Variants in VPS9D1 observed in about 807,000 individuals in gnomAD.
VPS9D1 encodes VPS9 domain containing 1, also known as VPS9 domain-containing protein 1.
A neutral mutation model predicts 75.8 loss-of-function variants in VPS9D1; 78 were observed. The observed-to-expected ratio is 1.03, with a 90% confidence interval of 0.86 to 1.24. The LOEUF is 1.24. VPS9D1 is among the 50% of genes most tolerant of loss of function. The probability of loss-of-function intolerance (pLI) is 0.00; values close to 1 mark genes in which losing one functional copy is unlikely to be tolerated. For missense variants in VPS9D1, 1,057 were observed against 847.7 expected (o/e 1.25, Z -3.07); for synonymous variants, 481 against 385.6 (o/e 1.25, Z -2.90).
chr16:89,716,672 AGAG>A (rs1332730996), intron 3 of VPS9D1, 48 bp from the exon 4 acceptor site: 4 of 1,602,336 alleles, frequency 2.5e-6, no homozygotes, highest in Non-Finnish European at 2.6e-6. Context: ...CACATCCCAC[AGAG>A]GAGATGCGGG....
intron 4 of VPS9D1, among the ~76,000 whole-genome samples, chr16:89,713,663 G>A (rs1307894972): frequency 2.0e-5 from 3 of 152,088 alleles, no homozygotes; most frequent in South Asian, 4.1e-4. Flanking sequence ...GCAACAATCC[G>A]AGGCTGTATG....
intron 10 of VPS9D1, among the ~76,000 whole-genome samples, chr16:89,710,162 C>G (rs2060882700): frequency 6.6e-6 from 1 of 152,190 alleles, no homozygotes; most frequent in African/African-American, 2.4e-5. Flanking sequence ...GGGCTTTACC[C>G]AAAACTGCAG....
chr16:89,717,221 T>C (rs1172040915), intron 2 of VPS9D1: 2 of 263,472 alleles, frequency 7.6e-6, no homozygotes, highest in Non-Finnish European at 1.5e-5. Context: ...CACGCATTTC[T>C]AATCATCTGC....
At chr16:89,711,725 C>G in intron 8 of VPS9D1, 157 bp downstream of exon 8, 1 of 942,644 alleles carries the variant, frequency 1.1e-6, no homozygotes, top group Non-Finnish European at 1.5e-6. Context: ...CCTGGCCCCG[C>G]CCCCTCACCG....
rs1262227635 is a variant in VPS9D1 at position 89,709,384 on chromosome 16, G to A, written c.1440C>T (p.Tyr480=). Residue 480 remains tyrosine, a synonymous_variant, in exon 12 of 15, where the codon TAC becomes TAT. Transcript: ENST00000389386. ...CAATGGCGGTGGGGGGTGCATTCCT[G>A]TAGAGCTCCATGCTCCTGCTCAGGG... ...EAALSRSMEL[Y]RNAPPTAIGI... is the part of the protein sequence containing the mutation. The A allele has an allele frequency of 2.6e-6, 4 of 1,553,858 alleles. No individual in the cohort carries two copies. The highest frequency in any genetic ancestry group is 4.5e-5 in the East Asian group (2 of 44,580).
chr16:89,709,275 C>T lies in VPS9D1; in HGVS notation c.1549G>A (p.Gly517Arg), dbSNP rs1267724404. ...YPYCAAAQEL[G>R]LLVLESCPQK... The stretch of plus-strand genomic sequence containing the variant: ...GGGCAGCTCTCCAGGACCAGCAGTC[C>T]GAGCTCCTGGGCCGCCGCGCAGTAG... Residue 517 changes from glycine to arginine, a missense_variant, in exon 12 of 15, where the codon GGA (glycine) becomes AGA (arginine). Coordinates refer to ENST00000389386, the MANE Select transcript of VPS9D1 (RefSeq NM_004913.3). 21 of 1,611,132 alleles carry T rather than the reference C, an allele frequency of 1.3e-5. No homozygotes were observed. The highest frequency in any genetic ancestry group is 1.8e-4 in the Middle Eastern group (1 of 5,508).
chr16:89,712,224 TAAGGCTTCTGGGGCAG>T, intron 6 of VPS9D1, 125 bp from the exon 7 acceptor site: 2 of 1,431,138 alleles, frequency 1.4e-6, no homozygotes, highest in Non-Finnish European at 1.9e-6. Context: ...TGTCCCCAGG[TAAGGCTTCTGGGGCAG>T]AAGGCAGCCT....
chr16:89,709,701 G>GAGCA, intron 11 of VPS9D1, 76 bp downstream of exon 11: 1 of 1,601,276 alleles, frequency 6.2e-7, no homozygotes, highest in South Asian at 1.1e-5. Flanking sequence ...CAGTGCCAGG[G>GAGCA]AGCAGGGCAG....
intron 2 of VPS9D1, chr16:89,718,261 C>G (rs191715863): frequency 1.9e-5 from 7 of 365,730 alleles, no homozygotes; most frequent in South Asian, 1.4e-4. Flanking sequence ...GTTTACTGCT[C>G]CCATCCTGGG....
At chr16:89,709,020 A>ACCCCGGCCCCCCCCCCC in intron 12 of VPS9D1, 64 bp from the exon 13 acceptor site, 2 of 1,277,884 alleles carry the variant, frequency 1.6e-6, no homozygotes, top group Non-Finnish European at 2.1e-6. Flanking sequence ...CACCCCTTAT[A>ACCCCGGCCCCCCCCCCC]CCCCGCCCAC....
rs919704861 is a variant in VPS9D1 at position 89,710,940 on chromosome 16, C to T, written c.904G>A (p.Ala302Thr). 1 of 1,479,184 alleles carries T rather than the reference C, an allele frequency of 6.8e-7. No homozygotes were observed. 91.6% of individuals were successfully genotyped at this position (1,479,184 alleles called of 1,614,324 possible). ...QCSVYSALYP[A>T]VSRAAAPAPG... ...GCTGGCGCGGCTGCTCTGCTCACGG[C>T]GGGATACAGGGCGCTGTACACGGAG... Residue 302 changes from alanine (A) to threonine (T), a missense_variant, in exon 10 of 15, where the codon GCC becomes ACC. Ala to Thr is a moderately conservative substitution (Grantham distance 58). Transcript: ENST00000389386.
chr16:89,716,448 C>G lies in VPS9D1; in HGVS notation c.431+14G>C. On this transcript the variant is annotated intron_variant, in intron 4 of 14. Coordinates refer to ENST00000389386, the MANE Select transcript of VPS9D1 (RefSeq NM_004913.3). ...ATCCCAGGCTCATCCCACCTCCCATCTTGTCCATCTTACTTCTTACAGCTT... is the reference window on the plus strand; with the variant it reads ...ATCCCAGGCTCATCCCACCTCCCATGTTGTCCATCTTACTTCTTACAGCTT... The G allele has an allele frequency of 1.9e-6, 3 of 1,613,826 alleles. No homozygotes were observed. Among genetic ancestry groups the G allele is most frequent in the Non-Finnish European group, 2.5e-6 (3 of 1,179,964 alleles).
intron 7 of VPS9D1, 37 bp from the exon 8 acceptor site, chr16:89,712,006 G>A (rs1179862359): frequency 6.5e-7 from 1 of 1,549,404 alleles, no homozygotes; most frequent in South Asian, 1.2e-5. Context: ...CCGGGGCCAG[G>A]CCCTCCCCGC....
chr16:89,720,611 C>G, intron 1 of VPS9D1, 152 bp downstream of exon 1: 1 of 1,223,352 alleles, frequency 8.2e-7, no homozygotes, highest in South Asian at 3.1e-5. Context: ...GCGCCCCGCC[C>G]CCGTCCTCGC....
At position 89,708,954 on chromosome 16, in the gene VPS9D1, G is replaced by C. The variant is rs557032960; in HGVS notation, c.1600C>G (p.Arg534Gly). The change falls in exon 13 of 15, where the codon CGG (arginine) becomes GGG (glycine). Residue 534 changes from arginine to glycine, a missense_variant and splice_region_variant. Physicochemically the swap from Arg to Gly is moderately radical, Grantham distance 125. Transcript: ENST00000389386. ...CAGACACAGATGATCCGCAGGGTCC[G>C]CACTGCGCCCCAGACAGGGTTTCAG... Reference protein sequence around the residue: ...CPQKKLECIVRTLRIICVCAE... With the variant: ...CPQKKLECIVGTLRIICVCAE... 5 of 1,598,520 alleles carry C rather than the reference G, an allele frequency of 3.1e-6. No individual in the cohort carries two copies. The highest frequency in any genetic ancestry group is 4.3e-6 in the Non-Finnish European group (5 of 1,174,038).
At chr16:89,720,637 C>T (rs1011007489) in intron 1 of VPS9D1, 126 bp downstream of exon 1, 8 of 1,226,784 alleles carry the variant, frequency 6.5e-6, no homozygotes, top group Non-Finnish European at 8.1e-6. Flanking sequence ...AACCGCGGCC[C>T]GGGATCCCGG....
At chr16:89,717,700 TG>T in intron 2 of VPS9D1, 1 of 456,528 alleles carries the variant, frequency 2.2e-6, no homozygotes, top group Non-Finnish European at 4.4e-6. Context: ...GGAGTTCCTC[TG>T]TCTTCTGGGA....
rs1192900369 is a variant in VPS9D1, at chr16:89,710,621, A to T, written c.1223T>A (p.Leu408Gln). ...GTGGATCTCCTCCACCGCGGTCTTC[A>T]GCTGCTGCAGCTGGGGCTCCGGCTG... ...GVQPEPQLQQ[L>Q]KTAVEEIHNA... Residue 408 changes from leucine to glutamine, a missense_variant, in exon 10 of 15, where the codon CTG becomes CAG. Transcript: ENST00000389386. The T allele has an allele frequency of 3.1e-6, 5 of 1,609,518 alleles. No homozygotes were observed. The African/African-American group carries it at 6.7e-5, about 22-fold the overall frequency.
chr16:89,718,774 G>A (rs1338159063), intron 2 of VPS9D1, among the ~76,000 whole-genome samples: 2 of 151,752 alleles, frequency 1.3e-5, no homozygotes, highest in African/African-American at 2.4e-5. Context: ...GAGTACAATG[G>A]GGTGATCTCG....
Sources: allele counts gnomAD v4.1 joint callset (sites outside exome capture counted in the v4.1 genomes callset), GRCh38; gene constraint gnomAD v4.1.1; transcripts MANE v1.5; gene names NCBI Gene and HGNC (gene_info 2026-07-23, HGNC 2026-07-21).